PJA2: variants seen among roughly 807,000 people sequenced by gnomAD.
The protein encoded by PJA2 is E3 ubiquitin-protein ligase Praja-2.
Under a neutral mutation model 69.3 loss-of-function variants are expected in PJA2, and 25 were observed. The observed-to-expected ratio is 0.36, with a 90% CI of 0.26 to 0.50. The LOEUF (loss-of-function observed/expected upper bound fraction) is 0.50, where lower values mean the gene tolerates loss of function less well. Ranked by LOEUF, PJA2 falls within the 20% of genes least tolerant of loss-of-function variation. The pLI is 0.96. For missense variants in PJA2, 809 were observed against 830.2 expected, an observed-to-expected ratio of 0.97 and a Z score of 0.31; for synonymous variants, 308 against 277.8, an observed-to-expected ratio of 1.11 and a Z score of -1.08.
chr5:109,400,420 C>T (rs1291965998), intron 1 of PJA2, among the ~76,000 whole-genome samples: 1 of 138,470 alleles, frequency 7.2e-6, no homozygotes, highest in Non-Finnish European at 1.5e-5. Flanking sequence ...GAATTGTGGA[C>T]TGCATTAAAT....
intron 1 of PJA2, among the ~76,000 whole-genome samples, chr5:109,400,554 T>G (rs2127017922): frequency 6.6e-6 from 1 of 152,134 alleles, no homozygotes; most frequent in African/African-American, 2.4e-5. Flanking sequence ...CTGTGAATTT[T>G]TCATACATTA....
At chr5:109,374,896 A>G (rs1746828334) in intron 4 of PJA2, among the ~76,000 whole-genome samples, 1 of 152,096 alleles carries the variant, frequency 6.6e-6, no homozygotes, top group African/African-American at 2.4e-5. Flanking sequence ...CAGTTACTAA[A>G]CTTCTCAGGG....
At position 109,378,570 on chromosome 5, in the gene PJA2, T is replaced by G. The variant is rs865837752; in HGVS notation, c.917A>C (p.His306Pro). Reference sequence around the variant, plus strand: ...CACTACCTGTTCAGGAGAACTTCCATGGTTCTTTTCCCTATCATTGGTATT... The same window carrying G: ...CACTACCTGTTCAGGAGAACTTCCAGGGTTCTTTTCCCTATCATTGGTATT... Reference protein sequence around the residue: ...EQNTNDREKNHGSSPEQVVRP... With the variant: ...EQNTNDREKNPGSSPEQVVRP... The change falls in exon 4 of 10, where the codon CAT becomes CCT. Residue 306 changes from histidine (H) to proline (P), a missense_variant. His to Pro is a moderately conservative substitution (Grantham distance 77). This residue lies in a region of PJA2 where 700 missense variants were observed against 639.5 expected (regional missense o/e 1.09). Transcript: ENST00000361189. 1 of 1,614,170 alleles carries G rather than the reference T, an allele frequency of 6.2e-7. No individual in the cohort carries two copies.
intron 5 of PJA2, among the ~76,000 whole-genome samples, chr5:109,367,143 A>AAAATATATAT (rs1252162401): frequency 8.4e-5 from 12 of 143,202 alleles, no homozygotes; most frequent in African/African-American, 3.1e-4. Flanking sequence ...CAAAAAAAAA[A>AAAATATATAT]ATATATATAT....
At position 109,354,866 on chromosome 5, in the gene PJA2, G is replaced by A. The variant is rs1483712343; in HGVS notation, c.1764+1049C>T. ...ATGGTGACTCATGTCTATAATCCCA[G>A]TGCCATGGGAGGCCAGAGTGGGAGG... On this transcript the variant is annotated intron_variant, in intron 7 of 9. Coordinates refer to ENST00000361189, the MANE Select transcript of PJA2 (RefSeq NM_014819.5). 2.0e-5 allele frequency among the ~76,000 whole-genome samples: 3 copies of A among 151,756 alleles called. No individual in the cohort carries two copies. The East Asian group carries it at 5.8e-4, about 29-fold the overall frequency.
At chr5:109,358,598 C>T (rs1029583415) in intron 6 of PJA2, among the ~76,000 whole-genome samples, 2 of 152,126 alleles carry the variant, frequency 1.3e-5, no homozygotes, top group Non-Finnish European at 2.9e-5. Flanking sequence ...GTGGGCGGAT[C>T]ACTTTGAGCT....
At chr5:109,342,458 C>T (rs1762088114) in intron 9 of PJA2, among the ~76,000 whole-genome samples, 1 of 134,998 alleles carries the variant, frequency 7.4e-6, no homozygotes, top group African/African-American at 2.9e-5. Flanking sequence ...CCAGCCGCCC[C>T]GTCCGGGAGG....
In PJA2 at chr5:109,368,574, A is replaced by AT; in HGVS notation, c.1455dup (p.Ser486IlefsTer22). ...TGTTGAACATACCCTTCCTGAAGAG[A>AT]TAATTCTTGGTTTTCTTCTTCAGGG... is the stretch of plus-strand genomic sequence containing the variant. On this transcript the variant is annotated frameshift_variant, in exon 5 of 10. Coordinates refer to ENST00000361189, the MANE Select transcript of PJA2 (RefSeq NM_014819.5). LOFTEE classifies it high-confidence loss of function. 1 of 1,613,442 alleles carries AT rather than the reference A, an allele frequency of 6.2e-7. No homozygotes were observed. The highest frequency in any genetic ancestry group is 8.5e-7 in the Non-Finnish European group (1 of 1,179,688).
chr5:109,353,434 CTATATATA>C (rs1561344867), intron 7 of PJA2, among the ~76,000 whole-genome samples: 3 of 47,416 alleles, frequency 6.3e-5, no homozygotes, highest in Non-Finnish European at 1.9e-4. Context: ...TATTAGATAC[CTATATATA>C]GATATCTATA....
intron 1 of PJA2, among the ~76,000 whole-genome samples, chr5:109,403,010 G>A (rs890248498): frequency 6.6e-6 from 1 of 151,514 alleles, no homozygotes; most frequent in African/African-American, 2.4e-5. Context: ...TAAACCCAAA[G>A]CATATAGAAA....
At chr5:109,407,075 G>T (rs2127021445) in intron 1 of PJA2, among the ~76,000 whole-genome samples, 1 of 152,280 alleles carries the variant, frequency 6.6e-6, no homozygotes, top group South Asian at 2.1e-4. Context: ...TGGGGGAGAT[G>T]AAAATATTCT....
At chr5:109,385,276 A>T (rs1292468614) in intron 1 of PJA2, among the ~76,000 whole-genome samples, 1 of 152,220 alleles carries the variant, frequency 6.6e-6, no homozygotes, top group Non-Finnish European at 1.5e-5. Flanking sequence ...TATCAAAATA[A>T]TACTGGTAAG....
chr5:109,372,623 G>T (rs1762691380), intron 4 of PJA2, among the ~76,000 whole-genome samples: 1 of 152,024 alleles, frequency 6.6e-6, no homozygotes, highest in South Asian at 2.1e-4. Flanking sequence ...AAAGAATATA[G>T]GGCCGGGTGC....
chr5:109,340,452 G>A (rs1762021796), intron 9 of PJA2, among the ~76,000 whole-genome samples: 1 of 151,848 alleles, frequency 6.6e-6, no homozygotes, highest in South Asian at 2.1e-4. Flanking sequence ...TTATAGGGAA[G>A]AAAGGGAGTT....
chr5:109,350,772 C>T (rs1451172659), intron 7 of PJA2, among the ~76,000 whole-genome samples: 1 of 152,136 alleles, frequency 6.6e-6, no homozygotes, highest in African/African-American at 2.4e-5. Flanking sequence ...TCTAAACCTC[C>T]ACATTACAGC....
intron 5 of PJA2, among the ~76,000 whole-genome samples, chr5:109,368,180 C>T (rs1762617050): frequency 6.6e-6 from 1 of 152,180 alleles, no homozygotes; most frequent in Non-Finnish European, 1.5e-5. Context: ...AATATGAACA[C>T]TAGCTTTTGC....
chr5:109,358,167 G>A (rs1296332116), intron 6 of PJA2, among the ~76,000 whole-genome samples: 4 of 152,180 alleles, frequency 2.6e-5, no homozygotes, highest in South Asian at 2.1e-4. Flanking sequence ...ATGCTAGAAG[G>A]TTGTGGGTTT....
At chr5:109,408,238 T>C (rs1397430257) in intron 1 of PJA2, among the ~76,000 whole-genome samples, 1 of 143,168 alleles carries the variant, frequency 7.0e-6, no homozygotes, top group African/African-American at 2.5e-5. Context: ...TCTTCCATAC[T>C]GTTTAATTTT....
chr5:109,370,146 C>T (rs1384254555), intron 4 of PJA2, among the ~76,000 whole-genome samples: 1 of 151,872 alleles, frequency 6.6e-6, no homozygotes, highest in Non-Finnish European at 1.5e-5. Context: ...TCTTATGCTA[C>T]CAAAGGCTAA....
Sources: allele counts gnomAD v4.1 joint callset (sites outside exome capture counted in the v4.1 genomes callset), GRCh38; gene constraint gnomAD v4.1.1; regional missense constraint gnomAD v4.1.1; transcripts MANE v1.5; gene names NCBI Gene and HGNC (gene_info 2026-07-23, HGNC 2026-07-21).